Variants in ST3GAL3 observed in about 807,000 individuals in gnomAD.
ST3GAL3 encodes the protein ST3 beta-galactoside alpha-2,3-sialyltransferase 3, also known as CMP-N-acetylneuraminate-beta-1,4-galactoside alpha-2,3-sialyltransferase.
ST3GAL3 carries 21 observed loss-of-function variants against 50.1 expected under a neutral mutation model. That is an observed-to-expected ratio of 0.42 (90% CI 0.30 to 0.60). ST3GAL3 has a LOEUF of 0.60. Among genes scored for constraint, ST3GAL3 ranks in the 20% least tolerant of loss-of-function variants. The pLI, the probability that ST3GAL3 is intolerant of heterozygous loss-of-function variation, is 0.19. For missense variants in ST3GAL3, 353 were observed against 489.4 expected (o/e 0.72, Z 2.63); for synonymous variants, 183 against 190.0 (o/e 0.96, Z 0.30).
At chr1:43,736,763 G>A (rs1354637272) in intron 2 of ST3GAL3, 2 of 327,382 alleles carry the variant, frequency 6.1e-6, no homozygotes, top group South Asian at 5.3e-5. Flanking sequence ...GTTTCCATCT[G>A]CCCTTAAAAC....
chr1:43,917,598 ATATAT>A (rs2082181154), intron 9 of ST3GAL3, among the ~76,000 whole-genome samples: 3 of 14,560 alleles, frequency 2.1e-4, no homozygotes, highest in Non-Finnish European at 5.5e-4. Flanking sequence ...TATATAATAT[ATATAT>A]TATATATTAT....
chr1:43,894,185 C>A, intron 5 of ST3GAL3, 198 bp from the exon 6 acceptor site: 1 of 640,068 alleles, frequency 1.6e-6, no homozygotes, highest in Non-Finnish European at 2.9e-6. Flanking sequence ...GGCCTACTCC[C>A]TCAGACTCAG....
chr1:43,858,204 G>C, intron 5 of ST3GAL3: 1 of 1,289,440 alleles, frequency 7.8e-7, no homozygotes, highest in South Asian at 1.2e-5. Context: ...GGTGAAGACA[G>C]AGGATTGTGG....
At chr1:43,820,349 C>T (rs2061936042) in intron 4 of ST3GAL3, among the ~76,000 whole-genome samples, 1 of 152,110 alleles carries the variant, frequency 6.6e-6, no homozygotes, top group South Asian at 2.1e-4. Context: ...CTATAAAAAT[C>T]CTAACAGAAA....
At chr1:43,810,039 A>C (rs1328740362) in intron 3 of ST3GAL3, among the ~76,000 whole-genome samples, 1 of 151,728 alleles carries the variant, frequency 6.6e-6, no homozygotes, top group Non-Finnish European at 1.5e-5. Context: ...AGAAACATAG[A>C]GTGAAACATT....
chr1:43,746,224 G>A (rs1029338098), intron 2 of ST3GAL3, among the ~76,000 whole-genome samples: 1 of 152,186 alleles, frequency 6.6e-6, no homozygotes, highest in African/African-American at 2.4e-5. Context: ...GCGTAAGCCA[G>A]TAACAAAAGG....
At chr1:43,715,460 C>T (rs1018363054) in intron 1 of ST3GAL3, among the ~76,000 whole-genome samples, 4 of 151,808 alleles carry the variant, frequency 2.6e-5, no homozygotes, top group Non-Finnish European at 4.4e-5. Flanking sequence ...CCTCTGGTAC[C>T]CCCTACTTGG....
chr1:43,755,412 CA>C (rs900648738), intron 2 of ST3GAL3, among the ~76,000 whole-genome samples: 20 of 152,262 alleles, frequency 1.3e-4, no homozygotes, highest in African/African-American at 4.3e-4. Flanking sequence ...TAGAAAAGTA[CA>C]TTGGTACAGC....
chr1:43,922,763 G>A (rs1193673424), intron 11 of ST3GAL3, among the ~76,000 whole-genome samples: 4 of 141,928 alleles, frequency 2.8e-5, no homozygotes, highest in African/African-American at 7.8e-5. Flanking sequence ...TCATGCCACT[G>A]CACTCCAGCC....
intron 2 of ST3GAL3, among the ~76,000 whole-genome samples, chr1:43,744,549 T>A (rs889461536): frequency 5.3e-5 from 8 of 151,918 alleles, no homozygotes; most frequent in African/African-American, 1.2e-4. Context: ...CGGCATCATC[T>A]TCTTTAAATA....
At chr1:43,767,947 A>C (rs951210220) in intron 2 of ST3GAL3, among the ~76,000 whole-genome samples, 5 of 152,324 alleles carry the variant, frequency 3.3e-5, no homozygotes, top group Admixed American at 6.5e-5. Flanking sequence ...AGGTTGAAAA[A>C]AATTAGTAAT....
intron 3 of ST3GAL3, among the ~76,000 whole-genome samples, chr1:43,793,081 G>A (rs1279272580): frequency 6.6e-6 from 1 of 152,136 alleles, no homozygotes; most frequent in East Asian, 1.9e-4. Flanking sequence ...GTAGTAGAGT[G>A]GACAAGAGGA....
chr1:43,723,113 CTT>C (rs770769806), intron 1 of ST3GAL3, among the ~76,000 whole-genome samples: 10 of 142,812 alleles, frequency 7.0e-5, no homozygotes, highest in Admixed American at 1.4e-4. Flanking sequence ...CTCTTCCCTC[CTT>C]TTTTTTTTTT....
At chr1:43,839,195 CCTTT>C (rs2064938772) in intron 5 of ST3GAL3, 2 of 152,448 alleles carry the variant, frequency 1.3e-5, no homozygotes, top group Non-Finnish European at 2.9e-5. Context: ...TTTTATGCTC[CCTTT>C]CTTTTCTAAC....
intron 5 of ST3GAL3, among the ~76,000 whole-genome samples, chr1:43,872,427 A>G (rs1320035452): frequency 6.0e-5 from 9 of 151,196 alleles, no homozygotes; most frequent in Non-Finnish European, 3.0e-5. Context: ...GCTGCTCTTC[A>G]CCCTGCCTCT....
At chr1:43,709,368 T>C (rs1663378080) in intron 1 of ST3GAL3, 1 of 152,206 alleles carries the variant, frequency 6.6e-6, no homozygotes, top group Admixed American at 6.5e-5. Flanking sequence ...AGTAACACTT[T>C]ACTTGTCATT....
chr1:43,788,963 C>T (rs1280130462), intron 2 of ST3GAL3, among the ~76,000 whole-genome samples: 1 of 150,038 alleles, frequency 6.7e-6, no homozygotes, highest in African/African-American at 2.5e-5. Flanking sequence ...TTAATGCAAA[C>T]CTGCAGAGAA....
Position 43,882,620 on chromosome 1 carries a change from GT to G in ST3GAL3, c.303-11758del, listed in dbSNP as rs370328499. ...GTTCTAAGCTCGAAGTTGGCACATTGTTTTTCTTAAAGGGCCAGATAGTAGA... is the reference window on the plus strand; with the variant it reads ...GTTCTAAGCTCGAAGTTGGCACATTGTTTTCTTAAAGGGCCAGATAGTAGA... On this transcript the variant is annotated intron_variant, in intron 5 of 11. Transcript: ENST00000347631. Among the ~76,000 whole-genome samples the G allele has an allele frequency of 7.4e-3, 1,121 of 152,286 alleles. 15 individuals are homozygous for G. The highest frequency in any genetic ancestry group is 0.026 in the African/African-American group (1,069 of 41,556).
At chr1:43,883,288 A>T (rs2075453032) in intron 5 of ST3GAL3, among the ~76,000 whole-genome samples, 1 of 152,118 alleles carries the variant, frequency 6.6e-6, no homozygotes, top group Non-Finnish European at 1.5e-5. Context: ...TTCCTGAGCC[A>T]CTTAGGAAGG....
Sources: gnomAD v4.1 joint callset for allele counts (sites outside exome capture counted in the v4.1 genomes callset) on GRCh38, gnomAD v4.1.1 for gene constraint, MANE v1.5 for transcripts, NCBI Gene and HGNC (gene_info 2026-07-23, HGNC 2026-07-21) for gene names.